KCTD8: variants seen among roughly 807,000 people sequenced by gnomAD.
KCTD8 encodes BTB/POZ domain-containing protein KCTD8.
Under a neutral mutation model 31.5 loss-of-function variants are expected in KCTD8, and 27 were observed. The ratio of observed to expected loss-of-function variants is 0.86; its 90% CI spans 0.63 to 1.18. KCTD8 has a LOEUF of 1.18. KCTD8 is among the 50% of genes most tolerant of loss of function. The probability of loss-of-function intolerance (pLI) is 0.00; values close to 1 mark genes in which losing one functional copy is unlikely to be tolerated. For synonymous variants in KCTD8, 290 were observed against 280.0 expected (o/e 1.04, Z -0.36); for missense variants, 658 against 647.7 (o/e 1.02, Z -0.17).
At chr4:44,233,319 C>G (rs1286295745) in intron 1 of KCTD8, among the ~76,000 whole-genome samples, 1 of 152,082 alleles carries the variant, frequency 6.6e-6, no homozygotes, top group Non-Finnish European at 1.5e-5. Context: ...AAGATCAGTT[C>G]TTTTACCATT....
At chr4:44,348,515 T>C (rs538725599) in intron 1 of KCTD8, among the ~76,000 whole-genome samples, 4 of 152,200 alleles carry the variant, frequency 2.6e-5, no homozygotes. Context: ...TTTCTGTTTT[T>C]TTGATCAATG....
intron 1 of KCTD8, among the ~76,000 whole-genome samples, chr4:44,267,040 A>G (rs1387157532): frequency 2.0e-5 from 3 of 152,192 alleles, no homozygotes; most frequent in Non-Finnish European, 2.9e-5. Context: ...TGCACCAAGC[A>G]GACCTAATAG....
chr4:44,319,715 G>T (rs116419616), intron 1 of KCTD8, among the ~76,000 whole-genome samples: 1,630 of 152,170 alleles, frequency 0.011, 33 homozygotes, highest in African/African-American at 0.038. Context: ...ATGCCAAAAA[G>T]TAAAGAATTT....
chr4:44,249,763 C>T (rs1056239824), intron 1 of KCTD8, among the ~76,000 whole-genome samples: 2 of 151,400 alleles, frequency 1.3e-5, no homozygotes, highest in African/African-American at 2.4e-5. Context: ...CCCTTTCCTT[C>T]TCTCTCTTTC....
intron 1 of KCTD8, among the ~76,000 whole-genome samples, chr4:44,219,313 A>G (rs77050636): frequency 0.036 from 5,464 of 152,314 alleles, 335 homozygotes; most frequent in African/African-American, 0.13. Flanking sequence ...ATATCCCCAA[A>G]AGGTATGTTG....
At chr4:44,343,501 CA>C (rs746472312) in intron 1 of KCTD8, among the ~76,000 whole-genome samples, 3 of 151,898 alleles carry the variant, frequency 2.0e-5, no homozygotes, top group Non-Finnish European at 4.4e-5. Context: ...AGAAAATAAC[CA>C]AAATGTGACT....
intron 1 of KCTD8, among the ~76,000 whole-genome samples, chr4:44,425,890 ACATTGTCTTGCAAGAGT>A (rs1261959606): frequency 1.3e-5 from 2 of 151,920 alleles, no homozygotes; most frequent in African/African-American, 4.8e-5. Context: ...CATCTCCTGG[ACATTGTCTTGCAAGAGT>A]CATTGTCTGT....
chr4:44,185,720 T>C (rs1713566333), intron 1 of KCTD8, among the ~76,000 whole-genome samples: 2 of 152,176 alleles, frequency 1.3e-5, no homozygotes, highest in South Asian at 4.1e-4. Context: ...ATTATCATAT[T>C]TGGATGTAAT....
chr4:44,249,005 T>A (rs577727060), intron 1 of KCTD8, among the ~76,000 whole-genome samples: 1 of 151,930 alleles, frequency 6.6e-6, no homozygotes, highest in African/African-American at 2.4e-5. Flanking sequence ...TAAATAAATA[T>A]TACCTATTAT....
chr4:44,359,583 A>C (rs964589037), intron 1 of KCTD8, among the ~76,000 whole-genome samples: 1 of 152,142 alleles, frequency 6.6e-6, no homozygotes. Context: ...AATTCAGAAC[A>C]CTCAACCCAA....
chr4:44,204,506 C>A lies in KCTD8; in HGVS notation c.962-29256G>T, dbSNP rs376192282. Reference sequence around the variant, plus strand: ...GCATGCAGCCCCCAGTCATGTACCCCCTGCTTCCTCAATCCATCACGACCC... The same window carrying A: ...GCATGCAGCCCCCAGTCATGTACCCACTGCTTCCTCAATCCATCACGACCC... On this transcript the variant is annotated intron_variant, in intron 1 of 1. Transcript: ENST00000360029. 1.4e-4 allele frequency among the ~76,000 whole-genome samples: 22 copies of A among 152,184 alleles called. No individual in the cohort carries two copies. The East Asian group carries it at 1.7e-3, about 12-fold the overall frequency.
rs1478784047 is a variant in KCTD8 at position 44,438,160 on chromosome 4, C to T, written c.961+9403G>A. Among the ~76,000 whole-genome samples, 3 of 152,184 alleles carry T rather than the reference C, an allele frequency of 2.0e-5. No individual in the cohort carries two copies. The East Asian group carries it at 5.8e-4, about 29-fold the overall frequency. ...ATGTCTGCCAGCATCTGCCTCAGATCTCTCTGGTTTCTTCAAATACCTGGA... is the reference window on the plus strand; with the variant it reads ...ATGTCTGCCAGCATCTGCCTCAGATTTCTCTGGTTTCTTCAAATACCTGGA... On this transcript the variant is annotated intron_variant, in intron 1 of 1. Coordinates refer to ENST00000360029, the MANE Select transcript of KCTD8 (RefSeq NM_198353.3).
chr4:44,199,860 C>T (rs1284716933), intron 1 of KCTD8, among the ~76,000 whole-genome samples: 2 of 151,284 alleles, frequency 1.3e-5, no homozygotes, highest in African/African-American at 4.9e-5. Context: ...TCAATGAAAC[C>T]GAGACTTGAT....
At chr4:44,215,052 C>T (rs1223888349) in intron 1 of KCTD8, among the ~76,000 whole-genome samples, 3 of 152,186 alleles carry the variant, frequency 2.0e-5, no homozygotes, top group Non-Finnish European at 4.4e-5. Context: ...CTCAAGAGGG[C>T]AGCTTTGACT....
At chr4:44,420,211 G>C (rs1047611646) in intron 1 of KCTD8, among the ~76,000 whole-genome samples, 2 of 151,386 alleles carry the variant, frequency 1.3e-5, no homozygotes, top group Admixed American at 6.6e-5. Context: ...AGACAATGAA[G>C]GACCATCACT....
intron 1 of KCTD8, among the ~76,000 whole-genome samples, chr4:44,428,790 A>G (rs1258295560): frequency 1.3e-5 from 2 of 151,880 alleles, no homozygotes; most frequent in Non-Finnish European, 1.5e-5. Flanking sequence ...GGTCACTTAA[A>G]GACCACACTG....
chr4:44,428,685 A>G (rs2109475786), intron 1 of KCTD8, among the ~76,000 whole-genome samples: 1 of 151,962 alleles, frequency 6.6e-6, no homozygotes, highest in East Asian at 1.9e-4. Context: ...TAGAAAACAC[A>G]TATAATTCCC....
At chr4:44,379,209 G>A (rs73812262) in intron 1 of KCTD8, among the ~76,000 whole-genome samples, 57 of 152,148 alleles carry the variant, frequency 3.7e-4, no homozygotes, top group African/African-American at 1.3e-3. Context: ...GACATCTTTG[G>A]GGGGTTATTA....
chr4:44,248,360 T>A (rs1312160604), intron 1 of KCTD8, among the ~76,000 whole-genome samples: 1 of 151,374 alleles, frequency 6.6e-6, no homozygotes, highest in Non-Finnish European at 1.5e-5. Context: ...GACTTGCTTA[T>A]CCTCTAGGTT....
Sources: gnomAD v4.1 joint callset for allele counts (sites outside exome capture counted in the v4.1 genomes callset) on GRCh38, gnomAD v4.1.1 for gene constraint, MANE v1.5 for transcripts, NCBI Gene and HGNC (gene_info 2026-07-23, HGNC 2026-07-21) for gene names.